The following SMYD3 variants were observed in gnomAD, a reference collection of about 807,000 sequenced individuals.
SMYD3 encodes the protein SET and MYND domain containing 3.
Under a neutral mutation model 57.7 loss-of-function variants are expected in SMYD3, and 36 were observed. That is an observed-to-expected ratio of 0.62 (90% CI 0.48 to 0.82). The LOEUF (loss-of-function observed/expected upper bound fraction) is 0.82. SMYD3 is among the 40% of genes least tolerant of loss of function. The probability of loss-of-function intolerance (pLI) is 0.00; values close to 1 mark genes in which losing one functional copy is unlikely to be tolerated. For missense variants in SMYD3, 515 were observed against 538.8 expected, an observed-to-expected ratio of 0.96 and a Z score of 0.44; for synonymous variants, 211 against 195.0, an observed-to-expected ratio of 1.08 and a Z score of -0.68.
intron 5 of SMYD3, among the ~76,000 whole-genome samples, chr1:246,180,660 A>G (rs1372835968): frequency 6.7e-6 from 1 of 148,308 alleles, no homozygotes; most frequent in Non-Finnish European, 1.5e-5. Flanking sequence ...TTGAGAGGCT[A>G]ACGCAGGAGA....
rs1553342884 is a variant in SMYD3, at chr1:246,407,868, T to TAAATTA, written c.165-52775_165-52774insTAATTT. Among the ~76,000 whole-genome samples, 1,095 of 149,762 alleles carry TAAATTA rather than the reference T, an allele frequency of 7.3e-3. 13 individuals are homozygous for TAAATTA. Among genetic ancestry groups the TAAATTA allele is most frequent in the African/African-American group, 0.023 (945 of 41,014 alleles). On this transcript the variant is annotated intron_variant, in intron 1 of 11. Transcript: ENST00000490107. ...ATAAATAAATAAATAAATAAATAAA[T>TAAATTA]TATATATATATATTCACTCTTGAGG...
chr1:246,072,430 G>A (rs1337459529), intron 5 of SMYD3, among the ~76,000 whole-genome samples: 2 of 152,124 alleles, frequency 1.3e-5, no homozygotes, highest in Non-Finnish European at 2.9e-5. Flanking sequence ...AGGGATTCGT[G>A]TGCTTTCCGC....
At chr1:246,469,961 A>G (rs572810776) in intron 1 of SMYD3, among the ~76,000 whole-genome samples, 14 of 152,312 alleles carry the variant, frequency 9.2e-5, no homozygotes, top group Non-Finnish European at 1.8e-4. Context: ...TATCCTCAGA[A>G]CAACACAGTA....
chr1:246,036,120 C>G (rs1259476303), intron 5 of SMYD3, among the ~76,000 whole-genome samples: 5 of 152,144 alleles, frequency 3.3e-5, no homozygotes, highest in Non-Finnish European at 5.9e-5. Flanking sequence ...TACCAACAGG[C>G]CAAGGTTAAA....
intron 5 of SMYD3, among the ~76,000 whole-genome samples, chr1:246,021,406 G>A (rs2059468755): frequency 6.6e-6 from 1 of 152,148 alleles, no homozygotes; most frequent in African/African-American, 2.4e-5. Flanking sequence ...CACCCACACT[G>A]CGCCACAGAG....
chr1:246,204,256 A>C (rs2062963377), intron 5 of SMYD3, among the ~76,000 whole-genome samples: 1 of 151,996 alleles, frequency 6.6e-6, no homozygotes. Flanking sequence ...TACTTTCCCC[A>C]TTTCCTGACC....
intron 5 of SMYD3, among the ~76,000 whole-genome samples, chr1:246,002,013 A>G (rs1037248011): frequency 6.6e-6 from 1 of 151,916 alleles, no homozygotes; most frequent in Non-Finnish European, 1.5e-5. Flanking sequence ...TTCCACATCC[A>G]CCACTGTAAT....
Position 246,308,616 on chromosome 1 carries a change from T to A in SMYD3, c.531+18585A>T, listed in dbSNP as rs116091885. 3.7e-3 allele frequency among the ~76,000 whole-genome samples: 562 copies of A among 152,266 alleles called. 1 individual carries two copies. Among genetic ancestry groups the A allele is most frequent in the African/African-American group, 0.012 (494 of 41,560 alleles). On this transcript the variant is annotated intron_variant, in intron 5 of 11. Coordinates refer to ENST00000490107, the MANE Select transcript of SMYD3 (RefSeq NM_001167740.2). ...ACAAATTCAAAACAGCAATACCATA[T>A]GATACTTAAGAGGAAGAATGGTTCA...
At chr1:246,315,788 T>C (rs1027925915) in intron 5 of SMYD3, among the ~76,000 whole-genome samples, 3 of 152,220 alleles carry the variant, frequency 2.0e-5, no homozygotes, top group African/African-American at 2.4e-5. Flanking sequence ...CTTTTGAAGA[T>C]AGAAGGAAGA....
intron 5 of SMYD3, among the ~76,000 whole-genome samples, chr1:246,280,552 G>A (rs115684931): frequency 0.024 from 3,697 of 152,208 alleles, 148 homozygotes; most frequent in African/African-American, 0.084. Context: ...GAGCCCAGGC[G>A]TTCGAGTCCA....
intron 5 of SMYD3, among the ~76,000 whole-genome samples, chr1:246,117,045 G>C (rs74381227): frequency 0.063 from 9,627 of 152,206 alleles, 356 homozygotes; most frequent in Non-Finnish European, 0.07. Context: ...TAGAGCATCT[G>C]CTTTTCTATA....
rs369062622 is a variant in SMYD3 at position 246,083,164 on chromosome 1, T to C, written c.532-153227A>G. On this transcript the variant is annotated intron_variant, in intron 5 of 11. Coordinates refer to ENST00000490107, the MANE Select transcript of SMYD3 (RefSeq NM_001167740.2). The stretch of plus-strand genomic sequence containing the variant: ...AAGGAATGCCTCTTTGCAGTTGAGA[T>C]AAGAGGAAGGCATCTGTCTCCTGCT... Among the ~76,000 whole-genome samples the C allele has an allele frequency of 4.4e-3, 668 of 151,424 alleles. 11 individuals carry two copies. Among genetic ancestry groups the C allele is most frequent in the African/African-American group, 0.015 (617 of 41,166 alleles).
chr1:246,457,555 A>G lies in SMYD3; in HGVS notation c.164+49499T>C, dbSNP rs1016896855. ...CTCAAAAAAAAAAAAAAAAGAAAAG[A>G]AAAGAAAAGAAAAGAAAAGAAAAAG... On this transcript the variant is annotated intron_variant, in intron 1 of 11. Transcript: ENST00000490107. Among the ~76,000 whole-genome samples, 6 of 93,870 alleles carry G rather than the reference A, an allele frequency of 6.4e-5. 1 individual carries two copies. Among genetic ancestry groups the G allele is most frequent in the African/African-American group, 2.2e-4 (6 of 27,448 alleles). 61.6% of individuals were successfully genotyped at this position (93,870 alleles called of 152,430 possible).
chr1:246,420,774 A>AT (rs1452795522), intron 1 of SMYD3, among the ~76,000 whole-genome samples: 1 of 152,262 alleles, frequency 6.6e-6, no homozygotes, highest in Non-Finnish European at 1.5e-5. Context: ...CACTAAAATT[A>AT]TAGCATAGGT....
At position 246,378,610 on chromosome 1, in the gene SMYD3, G is replaced by A. The variant is rs1330413488; in HGVS notation, c.165-23516C>T. 2.1e-5 allele frequency among the ~76,000 whole-genome samples: 3 copies of A among 141,774 alleles called. No homozygotes were observed. The East Asian group carries it at 6.0e-4, about 28-fold the overall frequency. The allele number at this position is 141,774 out of a possible 152,430, so 93.0% of individuals were successfully genotyped here. On this transcript the variant is annotated intron_variant, in intron 1 of 11. Coordinates refer to ENST00000490107, the MANE Select transcript of SMYD3 (RefSeq NM_001167740.2). ...TGGCCTATTGTGAGACCTTGTGATT[G>A]TGTGAGTTAATACTTAATAATCTCC...
At chr1:245,947,937 C>G (rs552197103) in intron 5 of SMYD3, among the ~76,000 whole-genome samples, 10 of 152,166 alleles carry the variant, frequency 6.6e-5, no homozygotes, top group Non-Finnish European at 1.3e-4. Context: ...CTTGGCCAAA[C>G]TCAGAGGAGA....
chr1:246,506,939 G>T, intron 1 of SMYD3, 115 bp downstream of exon 1: 2 of 1,008,896 alleles, frequency 2.0e-6, no homozygotes, highest in Non-Finnish European at 2.7e-6. Context: ...CCGCCAAGCT[G>T]CCTGTGCAGC....
chr1:246,442,740 T>C (rs959861752), intron 1 of SMYD3, among the ~76,000 whole-genome samples: 1 of 152,138 alleles, frequency 6.6e-6, no homozygotes, highest in Non-Finnish European at 1.5e-5. Context: ...GCCAGAGGTT[T>C]ATGAATAAGT....
At chr1:245,834,673 T>C (rs1676075781) in intron 10 of SMYD3, among the ~76,000 whole-genome samples, 1 of 152,182 alleles carries the variant, frequency 6.6e-6, no homozygotes, top group African/African-American at 2.4e-5. Flanking sequence ...AGTGGAGCAA[T>C]CTTCCTGTTC....
Sources: gnomAD v4.1 joint callset for allele counts (sites outside exome capture counted in the v4.1 genomes callset) on GRCh38, gnomAD v4.1.1 for gene constraint, MANE v1.5 for transcripts, NCBI Gene and HGNC (gene_info 2026-07-23, HGNC 2026-07-21) for gene names.